RPTOR: variants seen among roughly 807,000 people sequenced by gnomAD.
RPTOR encodes regulatory associated protein of MTOR complex 1, also known as regulatory-associated protein of mTOR.
RPTOR carries 21 observed loss-of-function variants against 169.9 expected under a neutral mutation model. The ratio of observed to expected loss-of-function variants is 0.12; its 90% CI spans 0.09 to 0.18. The LOEUF (loss-of-function observed/expected upper bound fraction) is 0.18, where lower values mean the gene tolerates loss of function less well. Ranked by LOEUF, RPTOR falls within the 10% of genes least tolerant of loss-of-function variation. RPTOR has a pLI of 1.00. For missense variants in RPTOR, 1,133 were observed against 1,855.9 expected (o/e 0.61, Z 7.16); for synonymous variants, 732 against 753.2 (o/e 0.97, Z 0.46).
At chr17:80,625,049 G>GGTGA in intron 1 of RPTOR, among the ~76,000 whole-genome samples, 1 of 152,342 alleles carries the variant, frequency 6.6e-6, no homozygotes, top group Non-Finnish European at 1.5e-5. Flanking sequence ...GAGCCGGCCA[G>GGTGA]GTGACCCGGG....
intron 4 of RPTOR, among the ~76,000 whole-genome samples, chr17:80,717,273 C>G (rs2066247223): frequency 6.6e-6 from 1 of 152,130 alleles, no homozygotes; most frequent in Non-Finnish European, 1.5e-5. Flanking sequence ...TATATTGTCT[C>G]TATGTCACCA....
chr17:80,846,640 G>A, intron 11 of RPTOR, 66 bp downstream of exon 11: 1 of 1,361,688 alleles, frequency 7.3e-7, no homozygotes, highest in South Asian at 1.2e-5. Flanking sequence ...TGCCTGTACA[G>A]CCCCGGGAGT....
rs1407920749 is a variant in RPTOR, at chr17:80,861,384, T to C, written c.1509+3484T>C. The stretch of plus-strand genomic sequence containing the variant: ...CTGTCCCTGTTACACTAAAACCTTT[T>C]CTTGCTAAACAGAAAGCTTGGCTTT... On this transcript the variant is annotated intron_variant, in intron 13 of 33. Transcript: ENST00000306801. This position sits in a 1 kb window ranked among gnomAD's most constrained non-coding sequence, Gnocchi z 4.5. Among the ~76,000 whole-genome samples the C allele has an allele frequency of 3.4e-5, 5 of 144,994 alleles. 1 individual carries two copies. Among genetic ancestry groups the C allele is most frequent in the African/African-American group, 4.9e-5 (2 of 40,964 alleles).
chr17:80,809,500 A>C (rs750927281), intron 7 of RPTOR, among the ~76,000 whole-genome samples: 5 of 152,180 alleles, frequency 3.3e-5, no homozygotes, highest in Admixed American at 6.5e-5. Context: ...CATCTTACCG[A>C]AGTATAACAC....
chr17:80,899,181 G>A (rs543044709), intron 20 of RPTOR, among the ~76,000 whole-genome samples: 2 of 152,220 alleles, frequency 1.3e-5, no homozygotes, highest in African/African-American at 2.4e-5. Context: ...CCCAGAAAGC[G>A]CAGAGTTGAC....
rs376856610 is a variant in RPTOR, at chr17:80,744,583, C to T, written c.655-9427C>T. ...GTCCTGGTTACGAGCACAGCCCTGGCTACTAGCACTGTCCTGGTTACTAGC... is the reference window on the plus strand; with the variant it reads ...GTCCTGGTTACGAGCACAGCCCTGGTTACTAGCACTGTCCTGGTTACTAGC... On this transcript the variant is annotated intron_variant, in intron 5 of 33. Transcript: ENST00000306801. Among the ~76,000 whole-genome samples, 16 of 31,526 alleles carry T rather than the reference C, an allele frequency of 5.1e-4. 1 individual carries two copies. The highest frequency in any genetic ancestry group is 1.4e-3 in the African/African-American group (11 of 7,668). 20.7% of individuals were successfully genotyped at this position (31,526 alleles called of 152,430 possible).
chr17:80,675,932 C>CT (rs2065858398), intron 3 of RPTOR, among the ~76,000 whole-genome samples: 1 of 152,030 alleles, frequency 6.6e-6, no homozygotes, highest in Admixed American at 6.6e-5. Flanking sequence ...AGAGCCTACT[C>CT]TTAAGAGGTA....
intron 1 of RPTOR, among the ~76,000 whole-genome samples, chr17:80,600,028 G>A (rs1022483963): frequency 1.3e-4 from 20 of 152,124 alleles, no homozygotes; most frequent in African/African-American, 4.1e-4. Flanking sequence ...AAGGGCTTCC[G>A]GCAAAATGCA....
At chr17:80,791,570 G>T in intron 7 of RPTOR, 61 bp downstream of exon 7, 2 of 1,460,050 alleles carry the variant, frequency 1.4e-6, no homozygotes, top group South Asian at 1.2e-5. Context: ...TTTCCTTTTT[G>T]AAGGCTCTTG....
chr17:80,944,344 GCTTATTCTGAAA>G (rs1193006327), intron 25 of RPTOR, among the ~76,000 whole-genome samples: 1 of 152,228 alleles, frequency 6.6e-6, no homozygotes, highest in East Asian at 1.9e-4. Context: ...GCCCTACCGA[GCTTATTCTGAAA>G]CTTTAGCACT....
intron 6 of RPTOR, among the ~76,000 whole-genome samples, chr17:80,771,186 C>T (rs2066839586): frequency 6.6e-6 from 1 of 152,206 alleles, no homozygotes; most frequent in Non-Finnish European, 1.5e-5. Flanking sequence ...GCCAGCCTCT[C>T]TTCCTGCACT....
intron 5 of RPTOR, among the ~76,000 whole-genome samples, chr17:80,752,218 T>A (rs2066637402): frequency 6.6e-6 from 1 of 152,120 alleles, no homozygotes; most frequent in South Asian, 2.1e-4. Context: ...TGCTACCCTT[T>A]CCCCTCTCCC....
chr17:80,650,328 G>A (rs931986921), intron 3 of RPTOR, among the ~76,000 whole-genome samples: 4 of 152,214 alleles, frequency 2.6e-5, no homozygotes, highest in Admixed American at 6.5e-5. Flanking sequence ...AGCATGGGCC[G>A]CAGCCTGTTT....
intron 3 of RPTOR, among the ~76,000 whole-genome samples, chr17:80,672,173 C>T (rs2065826785): frequency 1.3e-5 from 2 of 152,108 alleles, no homozygotes; most frequent in Non-Finnish European, 1.5e-5. Context: ...GTTAAGATCT[C>T]TTTATGCTCA....
intron 20 of RPTOR, among the ~76,000 whole-genome samples, chr17:80,895,438 C>T (rs1048766405): frequency 1.9e-4 from 29 of 152,240 alleles, no homozygotes; most frequent in African/African-American, 5.8e-4. Context: ...GTAACTTGTT[C>T]ATTGGCCCGG....
At chr17:80,700,150 C>T (rs1248070028) in intron 3 of RPTOR, among the ~76,000 whole-genome samples, 2 of 152,198 alleles carry the variant, frequency 1.3e-5, no homozygotes, top group African/African-American at 4.8e-5. Flanking sequence ...AAGATCCTTT[C>T]TTGTGGCTGA....
chr17:80,724,823 C>A (rs962990221), intron 4 of RPTOR, among the ~76,000 whole-genome samples: 4 of 152,222 alleles, frequency 2.6e-5, no homozygotes, highest in African/African-American at 9.6e-5. Context: ...GAAGCCGCCC[C>A]CACGACACTT....
intron 1 of RPTOR, among the ~76,000 whole-genome samples, chr17:80,584,455 C>G (rs915232035): frequency 2.4e-5 from 3 of 125,246 alleles, no homozygotes; most frequent in African/African-American, 9.0e-5. Flanking sequence ...TGTGGAAATT[C>G]TCCTGACCAC....
chr17:80,580,347 T>C (rs1462079183), intron 1 of RPTOR, among the ~76,000 whole-genome samples: 6 of 152,142 alleles, frequency 3.9e-5, no homozygotes, highest in African/African-American at 1.2e-4. Flanking sequence ...TTTTGCAAAA[T>C]TGCTGTTTGG....
Sources: gnomAD v4.1 joint callset for allele counts (sites outside exome capture counted in the v4.1 genomes callset) on GRCh38, gnomAD v4.1.1 for gene constraint, Gnocchi (gnomAD v3.1) non-coding constraint, MANE v1.5 for transcripts, NCBI Gene and HGNC (gene_info 2026-07-23, HGNC 2026-07-21) for gene names.